Variants in BOD1L1 observed in about 807,000 individuals in gnomAD.
BOD1L1 encodes the protein biorientation of chromosomes in cell division protein 1-like 1.
BOD1L1 carries 86 observed loss-of-function variants against 240.7 expected under a neutral mutation model. The ratio of observed to expected loss-of-function variants is 0.36; its 90% CI spans 0.30 to 0.43. The LOEUF (loss-of-function observed/expected upper bound fraction) is 0.43. Among genes scored for constraint, BOD1L1 ranks in the 20% least tolerant of loss-of-function variants. The pLI is 1.00. For missense variants in BOD1L1, 3,554 were observed against 3,643.5 expected (o/e 0.98, Z 0.63); for synonymous variants, 1,268 against 1,272.3 (o/e 1.00, Z 0.07).
rs1386598051 is a variant in BOD1L1 at position 13,601,225 on chromosome 4, T to C, written c.5675A>G (p.Glu1892Gly). 2 of 1,614,022 alleles carry C rather than the reference T, an allele frequency of 1.2e-6. No homozygotes were observed. The highest frequency in any genetic ancestry group is 1.7e-6 in the Non-Finnish European group (2 of 1,179,912). Reference sequence around the variant, plus strand: ...TTCACAAATCAAGACCCCTTCACTTTCTTCTCCTAACCCTGTACAAGTTGA... The same window carrying C: ...TTCACAAATCAAGACCCCTTCACTTCCTTCTCCTAACCCTGTACAAGTTGA... ...HASTCTGLGE[E>G]SEGVLICESA... The change falls in exon 10 of 26, where the codon GAA becomes GGA. Residue 1892 changes from glutamate (E) to glycine (G), a missense_variant. By Grantham distance (98) the Glu-to-Gly change is moderately conservative. Around this residue, in one of 2 missense-constraint regions of BOD1L1, gnomAD observed 3,393 missense variants for 3,427.1 expected, o/e 0.99. Coordinates refer to ENST00000040738, the MANE Select transcript of BOD1L1 (RefSeq NM_148894.3).
chr4:13,619,305 T>TAA (rs10650324), intron 2 of BOD1L1, among the ~76,000 whole-genome samples: 90,353 of 130,600 alleles, frequency 0.69, 34,109 homozygotes, highest in East Asian at 0.94. Context: ...TGAGACTCTT[T>TAA]AAAAAAAAAA....
intron 21 of BOD1L1, among the ~76,000 whole-genome samples, chr4:13,580,366 T>A (rs996816336): frequency 7.2e-5 from 11 of 152,206 alleles, no homozygotes; most frequent in African/African-American, 2.4e-4. Flanking sequence ...GGAAACTGAG[T>A]CACCAGAGGG....
Position 13,600,631 on chromosome 4 carries a change from T to C in BOD1L1, c.6269A>G (p.Asp2090Gly), listed in dbSNP as rs1193473258. 6.2e-7 allele frequency: 1 copy of C among 1,613,822 alleles called. No individual in the cohort carries two copies. The highest frequency in any genetic ancestry group is 1.3e-5 in the African/African-American group (1 of 74,916). Residue 2090 changes from aspartate to glycine, a missense_variant, in exon 10 of 26, where the codon GAT (aspartate) becomes GGT (glycine). By Grantham distance (94) the Asp-to-Gly change is moderately conservative (BLOSUM62 -1). Transcript: ENST00000040738. The stretch of plus-strand genomic sequence containing the variant: ...AGCATCTGAGAGACCTCCTTCCACA[T>C]CTGTAATTGCGCTTACCTGAGGGGT... Reference protein sequence around the residue: ...DYTPQVSAITDVEGGLSDALR... With the variant: ...DYTPQVSAITGVEGGLSDALR...
At position 13,603,751 on chromosome 4, in the gene BOD1L1, C is replaced by T. The variant is rs141343732; in HGVS notation, c.3149G>A (p.Ser1050Asn). 34 of 1,613,842 alleles carry T rather than the reference C, an allele frequency of 2.1e-5. No individual in the cohort carries two copies. The African/African-American group carries it at 3.9e-4, about 18-fold the overall frequency. ...ATTACCTCTGGCCTTTTCATGACTACTGTCAACTTCTTTACCATCCTTGTC... is the reference window on the plus strand; with the variant it reads ...ATTACCTCTGGCCTTTTCATGACTATTGTCAACTTCTTTACCATCCTTGTC... ...SDDKDGKEVD[S>N]SHEKARGNSS... Residue 1050 changes from serine (S) to asparagine (N), a missense_variant, in exon 10 of 26, where the codon AGT becomes AAT. Ser to Asn is a conservative substitution (Grantham distance 46, BLOSUM62 1). Transcript: ENST00000040738.
In BOD1L1 at chr4:13,569,563, C is replaced by G. The variant is rs1712025411; in HGVS notation, c.*448G>C. 1 of 151,828 alleles carries G rather than the reference C, an allele frequency of 6.6e-6. No individual in the cohort carries two copies. The highest frequency in any genetic ancestry group is 2.4e-5 in the African/African-American group (1 of 41,266). The allele number at this position is 151,828 out of a possible 1,614,324, so 9.4% of individuals were successfully genotyped here. On this transcript the variant is annotated 3_prime_UTR_variant, in exon 26 of 26. Transcript: ENST00000040738. Reference sequence around the variant, plus strand: ...AAATAAACAGATATATAGTAAAGTTCACAGATAAGTTTTCTCTGTAAAATA... The same window carrying G: ...AAATAAACAGATATATAGTAAAGTTGACAGATAAGTTTTCTCTGTAAAATA...
intron 1 of BOD1L1, among the ~76,000 whole-genome samples, chr4:13,620,309 A>G (rs1022207519): frequency 2.0e-5 from 3 of 152,354 alleles, no homozygotes; most frequent in African/African-American, 4.8e-5. Flanking sequence ...AAAATAAGAC[A>G]CGAACAAGTG....
At chr4:13,621,703 TG>T (rs1376536812) in intron 1 of BOD1L1, among the ~76,000 whole-genome samples, 5 of 152,172 alleles carry the variant, frequency 3.3e-5, no homozygotes, top group Non-Finnish European at 7.3e-5. Flanking sequence ...GTTAGCTGAA[TG>T]GGTAACTATC....
chr4:13,569,765 T>G lies in BOD1L1; in HGVS notation c.*246A>C, dbSNP rs1396296809. 3 of 302,982 alleles carry G rather than the reference T, an allele frequency of 9.9e-6. No individual in the cohort carries two copies. The highest frequency in any genetic ancestry group is 1.8e-5 in the Non-Finnish European group (3 of 166,342). 18.8% of individuals were successfully genotyped at this position (302,982 alleles called of 1,614,324 possible). ...AATTTTGAATGTTAAAATATACAAC[T>G]ACTTTGTTTTGAGTTCAGATACAAA... On this transcript the variant is annotated 3_prime_UTR_variant, in exon 26 of 26. Transcript: ENST00000040738.
At chr4:13,574,954 CTG>C (rs1034839397) in intron 25 of BOD1L1, among the ~76,000 whole-genome samples, 1 of 150,556 alleles carries the variant, frequency 6.6e-6, no homozygotes, top group African/African-American at 2.5e-5. Context: ...GAGTCTCACT[CTG>C]TCACCCAGGC....
chr4:13,602,041 A>C lies in BOD1L1; in HGVS notation c.4859T>G (p.Val1620Gly). The C allele has an allele frequency of 6.2e-7, 1 of 1,614,028 alleles. No individual in the cohort carries two copies. The change falls in exon 10 of 26, where the codon GTG becomes GGG. Residue 1620 changes from valine (V) to glycine (G), a missense_variant. By Grantham distance (109) the Val-to-Gly change is moderately radical. Transcript: ENST00000040738. ...TGCTGCTCTGTCCTCAGATTCAGCC[A>C]CAGCACACTCCCCACTTTCCCCTTC... ...TKEGESGECA[V>G]AESEDRAADL...
At chr4:13,622,929 AG>A (rs139869611) in intron 1 of BOD1L1, among the ~76,000 whole-genome samples, 11,811 of 152,220 alleles carry the variant, frequency 0.078, 527 homozygotes, top group Non-Finnish European at 0.1. Context: ...AGATCTGTGA[AG>A]GCATACCTAC....
chr4:13,572,501 C>T (rs1401097766), intron 25 of BOD1L1, among the ~76,000 whole-genome samples: 1 of 152,226 alleles, frequency 6.6e-6, no homozygotes, highest in Non-Finnish European at 1.5e-5. Context: ...GCCTGTGTGG[C>T]AGTCCACTGC....
intron 25 of BOD1L1, among the ~76,000 whole-genome samples, chr4:13,573,509 CT>C (rs1272482445): frequency 5.9e-5 from 7 of 117,994 alleles, no homozygotes; most frequent in African/African-American, 2.0e-4. Context: ...GAAAGAGCCT[CT>C]ATCTATCTAT....
chr4:13,596,416 C>T (rs1007482917), intron 11 of BOD1L1, among the ~76,000 whole-genome samples: 5 of 152,064 alleles, frequency 3.3e-5, no homozygotes, highest in Non-Finnish European at 7.4e-5. Flanking sequence ...CCTTGCAAGC[C>T]CTCCTGTCTA....
At chr4:13,605,459 A>C (rs1007655589) in intron 9 of BOD1L1, among the ~76,000 whole-genome samples, 7 of 152,190 alleles carry the variant, frequency 4.6e-5, no homozygotes, top group African/African-American at 1.7e-4. Context: ...GCTCAGCATG[A>C]TTCTATAACT....
intron 25 of BOD1L1, among the ~76,000 whole-genome samples, chr4:13,571,138 A>C (rs1250776948): frequency 6.6e-6 from 1 of 152,202 alleles, no homozygotes; most frequent in Non-Finnish European, 1.5e-5. Context: ...AAAAAGTTTG[A>C]AAGTCTTATA....
In BOD1L1 at chr4:13,582,312, T is replaced by C; in HGVS notation, c.8519-2A>G. 6.2e-7 allele frequency: 1 copy of C among 1,612,258 alleles called. No individual in the cohort carries two copies. The highest frequency in any genetic ancestry group is 1.1e-5 in the South Asian group (1 of 90,890). On this transcript the variant is annotated splice_acceptor_variant, in intron 18 of 25. Coordinates refer to ENST00000040738, the MANE Select transcript of BOD1L1 (RefSeq NM_148894.3). LOFTEE classifies it high-confidence loss of function. ...TAGTTTCACTGCTGCTATATTCATCTGTAGAAAAGGAAGAACTTTGTTCAA... is the reference window on the plus strand; with the variant it reads ...TAGTTTCACTGCTGCTATATTCATCCGTAGAAAAGGAAGAACTTTGTTCAA...
At chr4:13,597,495 T>TA (rs1714720833) in intron 10 of BOD1L1, among the ~76,000 whole-genome samples, 1 of 152,224 alleles carries the variant, frequency 6.6e-6, no homozygotes, top group Admixed American at 6.5e-5. Flanking sequence ...AGTTTGTCCT[T>TA]AAAAATATTC....
Position 13,603,762 on chromosome 4 carries a change from T to C in BOD1L1, c.3138A>G (p.Lys1046=). ...DENKSDDKDG[K]EVDSSHEKAR... is the part of the protein sequence containing the mutation. ...CCTTTTCATGACTACTGTCAACTTCTTTACCATCCTTGTCATCTGATTTAT... is the reference window on the plus strand; with the variant it reads ...CCTTTTCATGACTACTGTCAACTTCCTTACCATCCTTGTCATCTGATTTAT... The change falls in exon 10 of 26, where the codon AAA becomes AAG. Residue 1046 remains lysine, a synonymous_variant. Coordinates refer to ENST00000040738, the MANE Select transcript of BOD1L1 (RefSeq NM_148894.3). 6.2e-7 allele frequency: 1 copy of C among 1,613,820 alleles called. No individual in the cohort carries two copies. Among genetic ancestry groups the C allele is most frequent in the Non-Finnish European group, 8.5e-7 (1 of 1,179,852 alleles).
Sources: allele counts gnomAD v4.1 joint callset (sites outside exome capture counted in the v4.1 genomes callset), GRCh38; gene constraint gnomAD v4.1.1; regional missense constraint gnomAD v4.1.1; transcripts MANE v1.5; gene names NCBI Gene and HGNC (gene_info 2026-07-23, HGNC 2026-07-21).